Variants in NLRP2 observed in about 807,000 individuals in gnomAD.
NLRP2 encodes NLR family pyrin domain containing 2, also known as NACHT, LRR and PYD domains-containing protein 2.
In NLRP2, 107 loss-of-function variants were observed where a neutral mutation model predicts 97.2. That is an observed-to-expected ratio of 1.10 (90% CI 0.94 to 1.29). The LOEUF is 1.29. NLRP2 is among the 50% of genes most tolerant of loss of function. The pLI is 0.00. For missense variants in NLRP2, 1,495 were observed against 1,330.3 expected, an observed-to-expected ratio of 1.12 and a Z score of -1.93; for synonymous variants, 663 against 551.5, an observed-to-expected ratio of 1.20 and a Z score of -2.83.
chr19:54,981,509 G>GGCCCCCCCCCCC, intron 4 of NLRP2, 108 bp from the exon 5 acceptor site: 5 of 386,504 alleles, frequency 1.3e-5, no homozygotes, highest in Non-Finnish European at 2.1e-5. Flanking sequence ...CTGATCCCGT[G>GGCCCCCCCCCCC]CCCCCCCTCC....
rs1476971993 is a variant in NLRP2, at chr19:55,000,992, C to G, written c.*94C>G. The G allele has an allele frequency of 2.2e-5, 25 of 1,126,616 alleles. No individual in the cohort carries two copies. Among genetic ancestry groups the G allele is most frequent in the Non-Finnish European group, 2.9e-5 (22 of 747,154 alleles). 69.8% of individuals were successfully genotyped at this position (1,126,616 alleles called of 1,614,324 possible). ...CCTCTCCTCCCCGGCCCCTACCCCT[C>G]AGGGATAATGAGTTCATTGCTGGGC... On this transcript the variant is annotated 3_prime_UTR_variant, in exon 13 of 13. Transcript: ENST00000448584.
At chr19:54,978,979 G>GT (rs1437578002) in intron 4 of NLRP2, among the ~76,000 whole-genome samples, 2 of 151,908 alleles carry the variant, frequency 1.3e-5, no homozygotes, top group African/African-American at 2.4e-5. Context: ...TTTGTGATAG[G>GT]TTTTTTCTGT....
chr19:54,968,492 A>AT (rs34532293), intron 1 of NLRP2, among the ~76,000 whole-genome samples: 28,690 of 145,252 alleles, frequency 0.2, 3,282 homozygotes, highest in Admixed American at 0.35. Context: ...GCCCAGCACA[A>AT]TTTTTTTTTT....
intron 4 of NLRP2, among the ~76,000 whole-genome samples, chr19:54,978,728 T>C (rs1166018247): frequency 6.6e-6 from 1 of 150,766 alleles, no homozygotes; most frequent in African/African-American, 2.4e-5. Flanking sequence ...CCGCCTGTAG[T>C]CCCAGCTACT....
Position 54,982,481 on chromosome 19 carries a change from G to C in NLRP2, c.783G>C (p.Leu261=), listed in dbSNP as rs150315978. ...SRLGPCSFAE[L]VFRDWPELQD... ...TGGGCCCGTGCAGTTTTGCAGAGCT[G>C]GTCTTCAGGGACTGGCCTGAATTGC... Residue 261 remains leucine, a synonymous_variant, in exon 6 of 13, where the codon CTG becomes CTC. Coordinates refer to ENST00000448584, the MANE Select transcript of NLRP2 (RefSeq NM_017852.5). The C allele has an allele frequency of 1.1e-5, 17 of 1,614,222 alleles. No individual in the cohort carries two copies. The highest frequency in any genetic ancestry group is 1.4e-5 in the Non-Finnish European group (17 of 1,180,050).
In NLRP2 at chr19:54,982,705, C is replaced by T. The variant is rs780650039; in HGVS notation, c.1007C>T (p.Thr336Met). 6.2e-6 allele frequency: 10 copies of T among 1,614,106 alleles called. No individual in the cohort carries two copies. The highest frequency in any genetic ancestry group is 2.2e-5 in the East Asian group (1 of 44,874). The change falls in exon 6 of 13, where the codon ACG becomes ATG. Residue 336 changes from threonine (T) to methionine (M), a missense_variant. Thr to Met is a moderately conservative substitution (Grantham distance 81, BLOSUM62 -1). Coordinates refer to ENST00000448584, the MANE Select transcript of NLRP2 (RefSeq NM_017852.5). ...MLPKAALLVTTRPRALRDLRI... is the reference protein window; with the variant it reads ...MLPKAALLVTMRPRALRDLRI... ...CCCAAGGCCGCCCTGCTGGTCACCACGCGGCCCAGGGCCCTGAGGGACCTC... is the reference window on the plus strand; with the variant it reads ...CCCAAGGCCGCCCTGCTGGTCACCATGCGGCCCAGGGCCCTGAGGGACCTC...
At chr19:54,997,799 C>T (rs114352201) in intron 12 of NLRP2, among the ~76,000 whole-genome samples, 2 of 151,292 alleles carry the variant, frequency 1.3e-5, no homozygotes, top group East Asian at 3.9e-4. Flanking sequence ...CACTATGTTC[C>T]CCAGGCTGGA....
chr19:54,977,249 C>G (rs1462152578), intron 3 of NLRP2, among the ~76,000 whole-genome samples: 1 of 151,988 alleles, frequency 6.6e-6, no homozygotes, highest in Non-Finnish European at 1.5e-5. Context: ...TAGAGAAACC[C>G]TGTCTGTACT....
At position 54,972,213 on chromosome 19, in the gene NLRP2, A is replaced by T. The variant is rs938192080; in HGVS notation, c.280+1918A>T. Among the ~76,000 whole-genome samples, 11 of 151,026 alleles carry T rather than the reference A, an allele frequency of 7.3e-5. 1 individual carries two copies. The highest frequency in any genetic ancestry group is 2.7e-4 in the African/African-American group (11 of 41,010). ...TTTTTGTTTGTTTGAGACAAGTCTC[A>T]CTCTGTCACCCAGGATGGAGTGCAG... On this transcript the variant is annotated intron_variant, in intron 2 of 12. Coordinates refer to ENST00000448584, the MANE Select transcript of NLRP2 (RefSeq NM_017852.5).
At position 54,970,057 on chromosome 19, in the gene NLRP2, C is replaced by A; in HGVS notation, c.42C>A (p.Leu14=). 6.2e-7 allele frequency: 1 copy of A among 1,614,016 alleles called. No individual in the cohort carries two copies. Among genetic ancestry groups the A allele is most frequent in the Non-Finnish European group, 8.5e-7 (1 of 1,180,024 alleles). Reference sequence around the variant, plus strand: ...AGATGGGCTTCAACCTGCAGGCTCTCCTGGAGCAGCTCAGCCAGGATGAGT... The same window carrying A: ...AGATGGGCTTCAACCTGCAGGCTCTACTGGAGCAGCTCAGCCAGGATGAGT... The part of the protein sequence containing the change: ...SAQMGFNLQA[L]LEQLSQDELS... Residue 14 remains leucine, a synonymous_variant, in exon 2 of 13, where the codon CTC becomes CTA. Transcript: ENST00000448584.
Position 54,986,310 on chromosome 19 carries a change from T to C in NLRP2, c.2361T>C (p.Tyr787=). 1 of 1,613,272 alleles carries C rather than the reference T, an allele frequency of 6.2e-7. No individual in the cohort carries two copies. The highest frequency in any genetic ancestry group is 8.5e-7 in the Non-Finnish European group (1 of 1,179,252). ...VLRHPECNLR[Y]LGLVSCSATT... ...GACATCCAGAATGTAACCTGCGATA[T>C]CTCGGGTATATCTCTTAATCATTAA... The change falls in exon 8 of 13, where the codon TAT becomes TAC. Residue 787 remains tyrosine, a synonymous_variant. Coordinates refer to ENST00000448584, the MANE Select transcript of NLRP2 (RefSeq NM_017852.5).
rs772899546 is a variant in NLRP2, at chr19:54,982,672, T to A, written c.974T>A (p.Val325Glu). The A allele has an allele frequency of 1.5e-5, 25 of 1,613,644 alleles. No individual in the cohort carries two copies. The highest frequency in any genetic ancestry group is 1.7e-5 in the Non-Finnish European group (20 of 1,179,920). Residue 325 changes from valine (V) to glutamate (E), a missense_variant, in exon 6 of 13, where the codon GTG (valine) becomes GAG (glutamate). By Grantham distance (121) the Val-to-Glu change is moderately radical. Transcript: ENST00000448584. ...CTCCTGGGGAGTTTGCTGAACAGGG[T>A]GATGTTACCCAAGGCCGCCCTGCTG... ...PVLLGSLLNR[V>E]MLPKAALLVT...
intron 4 of NLRP2, among the ~76,000 whole-genome samples, chr19:54,979,021 G>A (rs1157969330): frequency 6.6e-6 from 1 of 151,702 alleles, no homozygotes; most frequent in African/African-American, 2.4e-5. Flanking sequence ...GTCTCACTCT[G>A]TCATGCAGGC....
chr19:54,970,110 C>A lies in NLRP2; in HGVS notation c.95C>A (p.Thr32Asn), dbSNP rs770033217. ...AGCAAGTTCAAGTATCTGATCACGACCTTCTCCCTGGCACACGAGCTCCAG... is the reference window on the plus strand; with the variant it reads ...AGCAAGTTCAAGTATCTGATCACGAACTTCTCCCTGGCACACGAGCTCCAG... ...ELSKFKYLITTFSLAHELQKI... is the reference protein window; with the variant it reads ...ELSKFKYLITNFSLAHELQKI... The change falls in exon 2 of 13, where the codon ACC becomes AAC. Residue 32 changes from threonine (T) to asparagine (N), a missense_variant. Coordinates refer to ENST00000448584, the MANE Select transcript of NLRP2 (RefSeq NM_017852.5). The A allele has an allele frequency of 6.2e-7, 1 of 1,613,954 alleles. No individual in the cohort carries two copies. The highest frequency in any genetic ancestry group is 8.5e-7 in the Non-Finnish European group (1 of 1,180,042).
At chr19:54,990,303 G>C (rs1278824207) in intron 9 of NLRP2, 111 bp downstream of exon 9, 1 of 1,234,962 alleles carries the variant, frequency 8.1e-7, no homozygotes, top group Non-Finnish European at 1.2e-6. Flanking sequence ...GTGAACACCT[G>C]TTCCCATGTT....
intron 12 of NLRP2, among the ~76,000 whole-genome samples, chr19:54,999,008 A>G (rs964155183): frequency 2.6e-5 from 3 of 114,382 alleles, no homozygotes; most frequent in Non-Finnish European, 6.2e-5. Context: ...ACAGAACAAA[A>G]TGGGGGGCTG....
intron 12 of NLRP2, among the ~76,000 whole-genome samples, 200 bp from the exon 13 acceptor site, chr19:55,000,560 T>G (rs1161401045): frequency 6.8e-6 from 1 of 147,960 alleles, no homozygotes; most frequent in Non-Finnish European, 1.5e-5. Context: ...ATTACAGGCG[T>G]GAGCCATCAC....
At chr19:54,994,195 A>G in intron 10 of NLRP2, 74 bp from the exon 11 acceptor site, 2 of 1,501,432 alleles carry the variant, frequency 1.3e-6, no homozygotes, top group Non-Finnish European at 1.9e-6. Flanking sequence ...CCCACGGCTC[A>G]AGAGTCAAAG....
chr19:54,988,120 G>A (rs1602398648), intron 8 of NLRP2, among the ~76,000 whole-genome samples: 1 of 152,124 alleles, frequency 6.6e-6, no homozygotes, highest in Non-Finnish European at 1.5e-5. Context: ...TAGTTGAATA[G>A]GATGCTGTAC....
Sources: allele counts gnomAD v4.1 joint callset (sites outside exome capture counted in the v4.1 genomes callset), GRCh38; gene constraint gnomAD v4.1.1; transcripts MANE v1.5; gene names NCBI Gene and HGNC (gene_info 2026-07-23, HGNC 2026-07-21).